The following UBE2G1 variants were observed in gnomAD, a reference collection of about 807,000 sequenced individuals.
UBE2G1 encodes ubiquitin conjugating enzyme E2 G1, also known as ubiquitin-conjugating enzyme E2 G1.
A neutral mutation model predicts 22.7 loss-of-function variants in UBE2G1; 5 were observed. The observed-to-expected ratio is 0.22, with a 90% CI of 0.12 to 0.46. The LOEUF (loss-of-function observed/expected upper bound fraction) is 0.46, where lower values mean the gene tolerates loss of function less well. UBE2G1 is among the 20% of genes least tolerant of loss of function. UBE2G1 has a pLI of 0.99. For synonymous variants in UBE2G1, 74 were observed against 67.5 expected (o/e 1.10, Z -0.47); for missense variants, 88 against 203.9 (o/e 0.43, Z 3.46).
chr17:4,347,636 G>A (rs1231685876), intron 1 of UBE2G1, among the ~76,000 whole-genome samples: 1 of 151,822 alleles, frequency 6.6e-6, no homozygotes, highest in African/African-American at 2.4e-5. Context: ...CACCATGTCT[G>A]GCTAATTTTT....
chr17:4,289,057 C>T (rs920127831), intron 4 of UBE2G1, among the ~76,000 whole-genome samples, 173 bp downstream of exon 4: 1 of 151,430 alleles, frequency 6.6e-6, no homozygotes, highest in African/African-American at 2.4e-5. Flanking sequence ...AAAATAAATA[C>T]GTAAATAAAT....
At chr17:4,313,815 A>G (rs1969338249) in intron 1 of UBE2G1, among the ~76,000 whole-genome samples, 1 of 152,124 alleles carries the variant, frequency 6.6e-6, no homozygotes, top group African/African-American at 2.4e-5. Context: ...GTTAAATGGG[A>G]GTTATGCTTG....
intron 2 of UBE2G1, among the ~76,000 whole-genome samples, chr17:4,300,947 AGAG>A (rs1567518304): frequency 6.2e-5 from 9 of 144,312 alleles, no homozygotes; most frequent in East Asian, 1.9e-4. Context: ...CAAAAAAAAA[AGAG>A]AGAGAGAGAT....
At chr17:4,280,336 C>CTTTT (rs71144178) in intron 5 of UBE2G1, among the ~76,000 whole-genome samples, 4 of 68,982 alleles carry the variant, frequency 5.8e-5, no homozygotes, top group African/African-American at 2.6e-4. Flanking sequence ...GGCACCTGGG[C>CTTTT]TTTTTTTTTT....
intron 5 of UBE2G1, among the ~76,000 whole-genome samples, chr17:4,276,156 T>C (rs1968818873): frequency 6.6e-6 from 1 of 152,072 alleles, no homozygotes; most frequent in African/African-American, 2.4e-5. Context: ...CCACCTCAAA[T>C]TGAGTCATGG....
chr17:4,335,853 G>A (rs8077526), intron 1 of UBE2G1, among the ~76,000 whole-genome samples: 197 of 152,168 alleles, frequency 1.3e-3, no homozygotes, highest in African/African-American at 4.5e-3. Flanking sequence ...TAGTTTAAAG[G>A]AAGAAAACCA....
rs538731444 is a variant in UBE2G1, at chr17:4,270,876, G to A, written c.*1678C>T. The A allele has an allele frequency of 7.2e-5, 11 of 152,288 alleles. No homozygotes were observed. Among genetic ancestry groups the A allele is most frequent in the African/African-American group, 2.4e-4 (10 of 41,564 alleles). 9.4% of individuals were successfully genotyped at this position (152,288 alleles called of 1,614,324 possible). On this transcript the variant is annotated 3_prime_UTR_variant, in exon 6 of 6. Coordinates refer to ENST00000396981, the MANE Select transcript of UBE2G1 (RefSeq NM_003342.5). ...TTCTGCTTAAAAAAGGACATACAAC[G>A]TTTGTAGAGGTCTGGGCTCTTGGCA...
At chr17:4,284,899 C>T (rs574709412) in intron 4 of UBE2G1, among the ~76,000 whole-genome samples, 81 of 130,310 alleles carry the variant, frequency 6.2e-4, no homozygotes, top group Non-Finnish European at 9.6e-4. Context: ...GGCTGAAGTG[C>T]AGTGGTGATC....
At chr17:4,308,328 G>T (rs550226304) in intron 1 of UBE2G1, among the ~76,000 whole-genome samples, 1 of 152,088 alleles carries the variant, frequency 6.6e-6, no homozygotes, top group Non-Finnish European at 1.5e-5. Context: ...ACTCCAGCCC[G>T]GGCAACAAGG....
At chr17:4,274,220 CAG>C (rs1256778251) in intron 5 of UBE2G1, among the ~76,000 whole-genome samples, 2 of 109,006 alleles carry the variant, frequency 1.8e-5, no homozygotes, top group African/African-American at 3.6e-5. Context: ...TTTTTTGAGA[CAG>C]AGTCTTGCTC....
At chr17:4,281,863 T>G (rs1968896291) in intron 5 of UBE2G1, among the ~76,000 whole-genome samples, 1 of 152,124 alleles carries the variant, frequency 6.6e-6, no homozygotes, top group African/African-American at 2.4e-5. Context: ...TTTCTATCAT[T>G]TCAATATTTA....
intron 2 of UBE2G1, among the ~76,000 whole-genome samples, chr17:4,300,938 A>G (rs1598185930): frequency 1.4e-5 from 2 of 142,242 alleles, no homozygotes; most frequent in South Asian, 4.3e-4. Flanking sequence ...GTTTTCAAAC[A>G]AAAAAAAAAG....
intron 1 of UBE2G1, among the ~76,000 whole-genome samples, chr17:4,320,766 CACCA>C (rs1969427724): frequency 1.3e-5 from 2 of 151,946 alleles, no homozygotes; most frequent in Admixed American, 6.6e-5. Flanking sequence ...TAGGCTACAC[CACCA>C]TATACTATAC....
At chr17:4,344,964 T>C (rs1158022755) in intron 1 of UBE2G1, among the ~76,000 whole-genome samples, 1 of 152,210 alleles carries the variant, frequency 6.6e-6, no homozygotes, top group Non-Finnish European at 1.5e-5. Flanking sequence ...AATTCAAAAA[T>C]GTTTATGTGG....
intron 3 of UBE2G1, among the ~76,000 whole-genome samples, 183 bp from the exon 4 acceptor site, chr17:4,289,591 A>T (rs1047750019): frequency 2.6e-5 from 4 of 152,252 alleles, no homozygotes; most frequent in Non-Finnish European, 1.5e-5. Flanking sequence ...ATTGTACTAC[A>T]TACACAGGAT....
In UBE2G1 at chr17:4,272,275, CG is replaced by C. The variant is rs1968769786; in HGVS notation, c.*278del. Reference sequence around the variant, plus strand: ...GTACATGAACAGTATATATATTATCCGGATCATGTTGTGCTATGTACAGGTC... The same window carrying C: ...GTACATGAACAGTATATATATTATCCGATCATGTTGTGCTATGTACAGGTC... On this transcript the variant is annotated 3_prime_UTR_variant, in exon 6 of 6. Coordinates refer to ENST00000396981, the MANE Select transcript of UBE2G1 (RefSeq NM_003342.5). The C allele has an allele frequency of 6.5e-6, 1 of 153,762 alleles. No homozygotes were observed. The highest frequency in any genetic ancestry group is 2.4e-5 in the African/African-American group (1 of 41,416). 9.5% of individuals were successfully genotyped at this position (153,762 alleles called of 1,614,324 possible). A position where few individuals can be genotyped will look rare whatever the true frequency, so the allele number is the denominator to read the frequency against.
chr17:4,296,865 G>A (rs1385182576), intron 2 of UBE2G1, 51 bp from the exon 3 acceptor site: 2 of 1,486,034 alleles, frequency 1.3e-6, no homozygotes, highest in Non-Finnish European at 1.9e-6. Context: ...CTGCTTTTAA[G>A]TATAGAAGTG....
intron 4 of UBE2G1, among the ~76,000 whole-genome samples, chr17:4,284,558 G>A (rs550841383): frequency 1.3e-4 from 20 of 151,842 alleles, no homozygotes; most frequent in African/African-American, 4.8e-4. Context: ...CCGAGATCAT[G>A]CCACTGCATT....
At chr17:4,336,692 A>G (rs1409237185) in intron 1 of UBE2G1, among the ~76,000 whole-genome samples, 2 of 152,066 alleles carry the variant, frequency 1.3e-5, no homozygotes, top group African/African-American at 2.4e-5. Context: ...ACACCCAGCT[A>G]ATTTTTGTAT....
Sources: allele counts gnomAD v4.1 joint callset (sites outside exome capture counted in the v4.1 genomes callset), GRCh38; gene constraint gnomAD v4.1.1; transcripts MANE v1.5; gene names NCBI Gene and HGNC (gene_info 2026-07-23, HGNC 2026-07-21).